The following SORCS1 variants were observed in gnomAD, a reference collection of about 807,000 sequenced individuals.
SORCS1 encodes sortilin related VPS10 domain containing receptor 1.
SORCS1 carries 60 observed loss-of-function variants against 146.1 expected under a neutral mutation model. The ratio of observed to expected loss-of-function variants is 0.41; its 90% CI spans 0.33 to 0.51. The LOEUF is 0.51. Ranked by LOEUF, SORCS1 falls within the 20% of genes least tolerant of loss-of-function variation. SORCS1 has a pLI of 0.21. For synonymous variants in SORCS1, 637 were observed against 584.0 expected (o/e 1.09, Z -1.31); for missense variants, 1,352 against 1,487.6 (o/e 0.91, Z 1.50).
At chr10:107,124,086 CAAAA>C (rs58402182) in intron 1 of SORCS1, among the ~76,000 whole-genome samples, 1 of 72,328 alleles carries the variant, frequency 1.4e-5, no homozygotes. Context: ...GACTTCGTCT[CAAAA>C]AAAAAAAAAA....
intron 1 of SORCS1, among the ~76,000 whole-genome samples, chr10:107,070,987 G>A (rs1232967841): frequency 6.6e-6 from 1 of 152,046 alleles, no homozygotes; most frequent in Non-Finnish European, 1.5e-5. Flanking sequence ...AGGCTTTCAT[G>A]TGGCATCTAC....
intron 2 of SORCS1, among the ~76,000 whole-genome samples, chr10:106,899,310 A>G (rs1951607984): frequency 6.6e-6 from 1 of 152,210 alleles, no homozygotes; most frequent in African/African-American, 2.4e-5. Context: ...CTCTATGTAG[A>G]CTGAGAACTA....
At chr10:106,822,802 T>TTTTTTTTTTTTTTTTTCG (rs994708912) in intron 3 of SORCS1, among the ~76,000 whole-genome samples, 1 of 140,120 alleles carries the variant, frequency 7.1e-6, no homozygotes, top group Non-Finnish European at 1.5e-5. Context: ...TTTTTTTTTT[T>TTTTTTTTTTTTTTTTTCG]GAATATTGCT....
intron 10 of SORCS1, among the ~76,000 whole-genome samples, chr10:106,682,050 C>A (rs1271908917): frequency 1.3e-5 from 2 of 152,178 alleles, no homozygotes; most frequent in Admixed American, 6.5e-5. Context: ...ATCACTCAAA[C>A]CCGGGAGGTG....
intron 3 of SORCS1, among the ~76,000 whole-genome samples, chr10:106,810,609 CATA>C (rs1947407909): frequency 6.6e-6 from 1 of 152,158 alleles, no homozygotes; most frequent in South Asian, 2.1e-4. Flanking sequence ...TTGAATACAC[CATA>C]ATAGTGGCCT....
intron 1 of SORCS1, among the ~76,000 whole-genome samples, chr10:107,006,024 A>G (rs1298014642): frequency 1.3e-5 from 2 of 152,192 alleles, no homozygotes; most frequent in East Asian, 3.8e-4. Flanking sequence ...CCTCCCCTTC[A>G]TATTTCCCTA....
intron 4 of SORCS1, among the ~76,000 whole-genome samples, chr10:106,770,467 T>C (rs1323970338): frequency 2.9e-5 from 4 of 137,596 alleles, no homozygotes; most frequent in African/African-American, 1.1e-4. Flanking sequence ...AATGTACTTT[T>C]TTCAAAAAAT....
At chr10:106,604,708 T>C (rs900350561) in intron 23 of SORCS1, among the ~76,000 whole-genome samples, 2 of 152,224 alleles carry the variant, frequency 1.3e-5, no homozygotes, top group Non-Finnish European at 2.9e-5. Context: ...ATTAATGTTT[T>C]TTCCCTTATT....
intron 1 of SORCS1, among the ~76,000 whole-genome samples, chr10:107,149,272 C>T (rs1213013996): frequency 3.9e-5 from 6 of 152,192 alleles, no homozygotes; most frequent in Admixed American, 3.9e-4. Flanking sequence ...CTTTCTGGGA[C>T]ATTTCCATGT....
chr10:106,669,354 TC>T (rs1280343759), intron 16 of SORCS1, among the ~76,000 whole-genome samples: 1 of 151,982 alleles, frequency 6.6e-6, no homozygotes, highest in East Asian at 1.9e-4. Flanking sequence ...GGACATCTCA[TC>T]TCATCTCATT....
intron 3 of SORCS1, among the ~76,000 whole-genome samples, chr10:106,813,541 T>G (rs372689148): frequency 1.7e-3 from 252 of 152,300 alleles, no homozygotes; most frequent in African/African-American, 5.6e-3. Flanking sequence ...CCAGGAAATC[T>G]TAAAGTTAGA....
At chr10:106,937,974 A>T (rs1054155216) in intron 2 of SORCS1, among the ~76,000 whole-genome samples, 3 of 6,464 alleles carry the variant, frequency 4.6e-4, no homozygotes, top group South Asian at 5.6e-3. Context: ...AAAAAGAAGA[A>T]AAAAAAAAAA....
chr10:106,868,959 T>C (rs1950314103), intron 2 of SORCS1, among the ~76,000 whole-genome samples: 1 of 151,750 alleles, frequency 6.6e-6, no homozygotes, highest in Non-Finnish European at 1.5e-5. Context: ...CTAATAAAGA[T>C]GAAAGGAGAG....
intron 3 of SORCS1, among the ~76,000 whole-genome samples, chr10:106,813,253 C>G (rs1397562062): frequency 6.6e-6 from 1 of 151,396 alleles, no homozygotes; most frequent in African/African-American, 2.4e-5. Flanking sequence ...CTGCCTCAGC[C>G]TCCTGAATAG....
At chr10:106,595,319 G>A (rs1396585450) in intron 24 of SORCS1, among the ~76,000 whole-genome samples, 2 of 152,182 alleles carry the variant, frequency 1.3e-5, no homozygotes, top group African/African-American at 2.4e-5. Flanking sequence ...TTCAATGGAT[G>A]TGTTAGGGTG....
At chr10:106,715,167 C>G (rs994506958) in intron 6 of SORCS1, among the ~76,000 whole-genome samples, 2 of 152,240 alleles carry the variant, frequency 1.3e-5, no homozygotes, top group East Asian at 1.9e-4. Flanking sequence ...ATGATGAACT[C>G]TTTCCATATT....
At chr10:106,691,740 A>T (rs1441690010) in intron 9 of SORCS1, among the ~76,000 whole-genome samples, 1 of 152,098 alleles carries the variant, frequency 6.6e-6, no homozygotes, top group Non-Finnish European at 1.5e-5. Context: ...AAAAACCAGG[A>T]TCTCTTTTCA....
chr10:106,831,800 G>A (rs564849925), intron 2 of SORCS1, among the ~76,000 whole-genome samples: 1 of 152,236 alleles, frequency 6.6e-6, no homozygotes, highest in East Asian at 1.9e-4. Context: ...ATTCCTAATC[G>A]CTGAGGAACA....
chr10:106,704,219 CT>C (rs1854342912), intron 8 of SORCS1, among the ~76,000 whole-genome samples: 1 of 152,074 alleles, frequency 6.6e-6, no homozygotes, highest in Admixed American at 6.6e-5. Flanking sequence ...CTTAATGCCC[CT>C]GACAGTATAT....
Sources: gnomAD v4.1 joint callset for allele counts (sites outside exome capture counted in the v4.1 genomes callset) on GRCh38, gnomAD v4.1.1 for gene constraint, MANE v1.5 for transcripts, NCBI Gene and HGNC (gene_info 2026-07-23, HGNC 2026-07-21) for gene names.